Variants in CSMD1 observed in about 807,000 individuals in gnomAD.
The protein encoded by CSMD1 is CUB and Sushi multiple domains 1.
CSMD1 carries 213 observed loss-of-function variants against 417.5 expected under a neutral mutation model. The observed-to-expected ratio is 0.51, with a 90% CI of 0.46 to 0.57. The LOEUF (loss-of-function observed/expected upper bound fraction) is 0.57. CSMD1 is among the 20% of genes least tolerant of loss of function. The pLI is 0.00. For missense variants in CSMD1, 6,923 were observed against 4,529.7 expected (o/e 1.53, Z -15.17); for synonymous variants, 2,862 against 1,736.8 (o/e 1.65, Z -16.11).
At chr8:3,804,119 A>T (rs2129073867) in intron 5 of CSMD1, among the ~76,000 whole-genome samples, 1 of 151,978 alleles carries the variant, frequency 6.6e-6, no homozygotes, top group East Asian at 2.0e-4. Context: ...TTTAGTAGAG[A>T]CAGGGTTTCA....
rs545266041 is a variant in CSMD1, at chr8:3,986,625, G to C, written c.818+11278C>G. Among the ~76,000 whole-genome samples the C allele has an allele frequency of 3.9e-5, 6 of 152,132 alleles. No individual in the cohort carries two copies. The South Asian group carries it at 1.2e-3, about 32-fold the overall frequency. ...AAGCCATGCAACATACCTAAATCATGATTTTCCTAAAGTACTGCTTTCCTT... is the reference window on the plus strand; with the variant it reads ...AAGCCATGCAACATACCTAAATCATCATTTTCCTAAAGTACTGCTTTCCTT... On this transcript the variant is annotated intron_variant, in intron 5 of 69. Transcript: ENST00000635120.
intron 23 of CSMD1, among the ~76,000 whole-genome samples, chr8:3,326,142 G>T (rs916162262): frequency 1.3e-5 from 2 of 152,182 alleles, no homozygotes; most frequent in African/African-American, 2.4e-5. Context: ...AATGGTTTCA[G>T]TGGGACGTTC....
At chr8:4,085,077 G>A (rs1033325298) in intron 3 of CSMD1, among the ~76,000 whole-genome samples, 10 of 152,118 alleles carry the variant, frequency 6.6e-5, no homozygotes, top group Admixed American at 5.9e-4. Flanking sequence ...GGAAGTGAAT[G>A]TGTTTATAAA....
chr8:4,222,853 A>T lies in CSMD1; in HGVS notation c.416-190754T>A, dbSNP rs528273780. ...AGTCGCTGAAAATACCATGAGGACA[A>T]TTAATTTGTTTTGATCACTAGACAT... On this transcript the variant is annotated intron_variant, in intron 3 of 69. Coordinates refer to ENST00000635120, the MANE Select transcript of CSMD1 (RefSeq NM_033225.6). Among the ~76,000 whole-genome samples the T allele has an allele frequency of 9.2e-5, 14 of 152,336 alleles. No homozygotes were observed. The East Asian group carries it at 2.7e-3, about 29-fold the overall frequency.
chr8:4,246,108 C>G (rs1044464883), intron 3 of CSMD1, among the ~76,000 whole-genome samples: 7 of 152,004 alleles, frequency 4.6e-5, no homozygotes, highest in Non-Finnish European at 1.0e-4. Flanking sequence ...GTTTGTTGTA[C>G]AGATTATTTG....
chr8:3,117,480 A>G (rs544026745), intron 42 of CSMD1, among the ~76,000 whole-genome samples: 3 of 152,360 alleles, frequency 2.0e-5, no homozygotes, highest in East Asian at 3.9e-4. Context: ...CCCACAGGAT[A>G]CAAGTGCTTA....
chr8:4,407,803 C>T (rs190168989), intron 3 of CSMD1, among the ~76,000 whole-genome samples: 1 of 152,050 alleles, frequency 6.6e-6, no homozygotes, highest in Non-Finnish European at 1.5e-5. Context: ...AGTATTGTGG[C>T]ATATGAGAAG....
intron 2 of CSMD1, among the ~76,000 whole-genome samples, chr8:4,615,767 T>A (rs1384392690): frequency 6.6e-6 from 1 of 152,200 alleles, no homozygotes; most frequent in Non-Finnish European, 1.5e-5. Flanking sequence ...TACATTTCAA[T>A]TAATACTACT....
chr8:4,934,194 G>C (rs1196068022), intron 1 of CSMD1, among the ~76,000 whole-genome samples: 3 of 152,116 alleles, frequency 2.0e-5, no homozygotes, highest in African/African-American at 7.2e-5. Context: ...GGCTGCCTGA[G>C]CTCAGAAGCA....
rs74922555 is a variant in CSMD1 at position 4,420,791 on chromosome 8, A to G, written c.303-726T>C. Reference sequence around the variant, plus strand: ...TGTGATCCACAATAGGACTCCCAACATAAGAATGCTGAGAATACCCACATT... The same window carrying G: ...TGTGATCCACAATAGGACTCCCAACGTAAGAATGCTGAGAATACCCACATT... On this transcript the variant is annotated intron_variant, in intron 2 of 69. Coordinates refer to ENST00000635120, the MANE Select transcript of CSMD1 (RefSeq NM_033225.6). Among the ~76,000 whole-genome samples, 1,049 of 152,290 alleles carry G rather than the reference A, an allele frequency of 6.9e-3. 12 individuals carry two copies. Among genetic ancestry groups the G allele is most frequent in the African/African-American group, 0.024 (1,014 of 41,560 alleles).
chr8:4,420,061 A>C lies in CSMD1; in HGVS notation c.307T>G (p.Ser103Ala), dbSNP rs1449916697. 1 of 1,555,378 alleles carries C rather than the reference A, an allele frequency of 6.4e-7. No homozygotes were observed. The highest frequency in any genetic ancestry group is 8.7e-7 in the Non-Finnish European group (1 of 1,146,912). ...PQQGNLKVRLSGFQLPSSIVS... is the reference protein window; with the variant it reads ...PQQGNLKVRLAGFQLPSSIVS... ...ATAGAGGAGGGCAGCTGAAATCCCG[A>C]TAATCTAAATTTAAAAGACAAGACA... is the stretch of plus-strand genomic sequence containing the variant. Residue 103 changes from serine to alanine, a missense_variant, in exon 3 of 70, where the codon TCG (serine) becomes GCG (alanine). Transcript: ENST00000635120.
chr8:4,018,474 C>T (rs1199787923), intron 4 of CSMD1, among the ~76,000 whole-genome samples: 1 of 152,140 alleles, frequency 6.6e-6, no homozygotes, highest in African/African-American at 2.4e-5. Context: ...ACCTACTTTG[C>T]ACAAGGAGCA....
At chr8:4,848,003 C>A (rs1019170415) in intron 1 of CSMD1, among the ~76,000 whole-genome samples, 4 of 152,132 alleles carry the variant, frequency 2.6e-5, no homozygotes, top group Non-Finnish European at 5.9e-5. Flanking sequence ...AGGGCCCGAA[C>A]AACAACTCGT....
intron 1 of CSMD1, among the ~76,000 whole-genome samples, chr8:4,935,996 G>C (rs991140718): frequency 1.4e-4 from 22 of 152,290 alleles, no homozygotes; most frequent in African/African-American, 4.8e-4. Context: ...AGCAAAAACA[G>C]CCAGGAATAA....
intron 2 of CSMD1, among the ~76,000 whole-genome samples, chr8:4,594,195 C>CTT (rs771415822): frequency 0.031 from 2,814 of 92,174 alleles, 194 homozygotes; most frequent in Non-Finnish European, 0.043. Context: ...CTAAAGTGAT[C>CTT]TTTTTTTTTT....
intron 1 of CSMD1, among the ~76,000 whole-genome samples, chr8:4,768,682 GCGTTCCCAAA>G (rs1239645974): frequency 1.3e-5 from 2 of 152,136 alleles, no homozygotes; most frequent in African/African-American, 4.8e-5. Flanking sequence ...AAAGGTGTTG[GCGTTCCCAAA>G]CACTTACCCG....
At chr8:4,816,338 C>A (rs1362808652) in intron 1 of CSMD1, among the ~76,000 whole-genome samples, 1 of 152,050 alleles carries the variant, frequency 6.6e-6, no homozygotes, top group Non-Finnish European at 1.5e-5. Flanking sequence ...GCAAGCATCA[C>A]CACACCTGGG....
At chr8:3,315,854 T>A (rs1318647789) in intron 23 of CSMD1, among the ~76,000 whole-genome samples, 1 of 152,240 alleles carries the variant, frequency 6.6e-6, no homozygotes, top group Non-Finnish European at 1.5e-5. Flanking sequence ...AAGAATTTAA[T>A]GAGTCAATCT....
At chr8:3,674,779 T>C (rs558507146) in intron 7 of CSMD1, among the ~76,000 whole-genome samples, 13 of 152,308 alleles carry the variant, frequency 8.5e-5, no homozygotes, top group East Asian at 5.8e-4. Flanking sequence ...AAGGTAACTA[T>C]AGTTTTCAAA....
Sources: allele counts gnomAD v4.1 joint callset (sites outside exome capture counted in the v4.1 genomes callset), GRCh38; gene constraint gnomAD v4.1.1; transcripts MANE v1.5; gene names NCBI Gene and HGNC (gene_info 2026-07-23, HGNC 2026-07-21).